Variants in TRIM4 observed in about 807,000 individuals in gnomAD.
TRIM4 encodes the protein tripartite motif containing 4.
In TRIM4, 29 loss-of-function variants were observed where a neutral mutation model predicts 33.7. That is an observed-to-expected ratio of 0.86 (90% confidence interval 0.64 to 1.17). The LOEUF is 1.17. Among genes scored for constraint, TRIM4 ranks in the 50% most tolerant of loss-of-function variants. TRIM4 has a pLI of 0.00. For synonymous variants in TRIM4, 224 were observed against 233.0 expected (o/e 0.96, Z 0.35); for missense variants, 554 against 593.7 (o/e 0.93, Z 0.69).
chr7:99,898,127 C>G (rs1275271927), intron 5 of TRIM4, among the ~76,000 whole-genome samples: 1 of 152,240 alleles, frequency 6.6e-6, no homozygotes, highest in East Asian at 1.9e-4. Flanking sequence ...CACCCACTTC[C>G]CTTCAGCACC....
chr7:99,916,953 C>A (rs1274338750), intron 1 of TRIM4, among the ~76,000 whole-genome samples: 1 of 152,242 alleles, frequency 6.6e-6, no homozygotes, highest in Non-Finnish European at 1.5e-5. Flanking sequence ...ATGCTCCATG[C>A]TCCAGAAGTA....
At chr7:99,913,387 A>G (rs1436591204) in intron 1 of TRIM4, among the ~76,000 whole-genome samples, 2 of 152,150 alleles carry the variant, frequency 1.3e-5, no homozygotes, top group Non-Finnish European at 2.9e-5. Flanking sequence ...TCACTCTCTC[A>G]GCTAGGTGCG....
chr7:99,908,651 G>T lies in TRIM4; in HGVS notation c.651C>A (p.Ile217=), dbSNP rs753527282. 9 of 1,614,008 alleles carry T rather than the reference G, an allele frequency of 5.6e-6. No homozygotes were observed. The Middle Eastern group carries it at 4.9e-4, about 88-fold the overall frequency. ...NENTLKLNQT[I]ASLKKLILEV... ...CTAAGATGAGCTTCTTCAATGAAGC[G>T]ATAGTTTGATTGAGTTTTAACGTGT... Residue 217 remains isoleucine, a synonymous_variant, in exon 3 of 6, where the codon ATC becomes ATA. Coordinates refer to ENST00000349062, the MANE Select transcript of TRIM4 (RefSeq NM_033091.3).
intron 1 of TRIM4, among the ~76,000 whole-genome samples, chr7:99,915,892 G>C (rs953954844): frequency 2.6e-5 from 4 of 152,164 alleles, no homozygotes; most frequent in Non-Finnish European, 4.4e-5. Flanking sequence ...AGAGTGAAAA[G>C]TGTAAAGGAT....
At chr7:99,915,505 C>T (rs1439908917) in intron 1 of TRIM4, among the ~76,000 whole-genome samples, 3 of 152,102 alleles carry the variant, frequency 2.0e-5, no homozygotes, top group African/African-American at 7.2e-5. Context: ...GGGATATTTT[C>T]CATGGATTTA....
At chr7:99,897,287 C>T (rs1819039586) in intron 5 of TRIM4, among the ~76,000 whole-genome samples, 1 of 152,074 alleles carries the variant, frequency 6.6e-6, no homozygotes, top group Non-Finnish European at 1.5e-5. Context: ...CTTGCCTCCA[C>T]CTGAAAGAAG....
At chr7:99,897,472 T>C (rs201685946) in intron 5 of TRIM4, among the ~76,000 whole-genome samples, 1 of 152,190 alleles carries the variant, frequency 6.6e-6, no homozygotes, top group Admixed American at 6.5e-5. Flanking sequence ...TTTGAGGTGA[T>C]GAATATGCTA....
intron 5 of TRIM4, among the ~76,000 whole-genome samples, chr7:99,902,859 G>A (rs1328238108): frequency 6.6e-6 from 1 of 151,762 alleles, no homozygotes; most frequent in Non-Finnish European, 1.5e-5. Context: ...CCTCTGCTGT[G>A]AAAACTTTCC....
At chr7:99,895,758 C>T (rs1018953459) in intron 5 of TRIM4, among the ~76,000 whole-genome samples, 17 of 152,218 alleles carry the variant, frequency 1.1e-4, no homozygotes, top group Non-Finnish European at 2.1e-4. Context: ...ATTCTCTTGA[C>T]GAACTGACCA....
At chr7:99,906,018 G>A (rs181561515) in intron 3 of TRIM4, among the ~76,000 whole-genome samples, 24 of 152,212 alleles carry the variant, frequency 1.6e-4, no homozygotes, top group Admixed American at 1.2e-3. Context: ...GGTGGCACAC[G>A]CCTGTAATCC....
rs767897065 is a variant in TRIM4, at chr7:99,908,707, C to T, written c.595G>A (p.Glu199Lys). The T allele has an allele frequency of 1.1e-5, 17 of 1,614,066 alleles. No individual in the cohort carries two copies. In the Admixed American group the frequency reaches 1.5e-4, roughly 14 times the overall value. Residue 199 changes from glutamate (E) to lysine (K), a missense_variant, in exon 3 of 6, where the codon GAA becomes AAA. Transcript: ENST00000349062. ...TTCAGCTTCTTCTTCGTCTCTTCTTCTTCTTTGTTCAATCTCTGAAGAAAC... is the reference window on the plus strand; with the variant it reads ...TTCAGCTTCTTCTTCGTCTCTTCTTTTTCTTTGTTCAATCTCTGAAGAAAC... ...DLFLQRLNKE[E>K]EETKKKLNEN...
chr7:99,916,242 T>C (rs889650221), intron 1 of TRIM4, among the ~76,000 whole-genome samples: 3 of 152,196 alleles, frequency 2.0e-5, no homozygotes, highest in African/African-American at 7.2e-5. Context: ...GTCCTCTCCA[T>C]GTCTTTTGCT....
At chr7:99,908,505 G>T in intron 3 of TRIM4, 77 bp downstream of exon 3, 1 of 1,179,558 alleles carries the variant, frequency 8.5e-7, no homozygotes. Context: ...CACTCACCAG[G>T]AAGGACATTC....
chr7:99,898,792 C>T lies in TRIM4; in HGVS notation c.841+4426G>A, dbSNP rs182885987. ...GGTGGAAGCTGCACATTAATTAAAA[C>T]CAAATGTTGTGTATATATCCCTATT... On this transcript the variant is annotated intron_variant, in intron 5 of 5. Transcript: ENST00000349062. Among the ~76,000 whole-genome samples the T allele has an allele frequency of 1.5e-3, 221 of 152,312 alleles. 5 individuals are homozygous for T. Among genetic ancestry groups the T allele is most frequent in the Admixed American group, 0.011 (165 of 15,300 alleles).
chr7:99,898,766 G>C (rs928158277), intron 5 of TRIM4, among the ~76,000 whole-genome samples: 1 of 152,276 alleles, frequency 6.6e-6, no homozygotes, highest in East Asian at 1.9e-4. Context: ...CTGCTGCCCT[G>C]GGTGGAAGCT....
chr7:99,896,230 T>A (rs1490920828), intron 5 of TRIM4, among the ~76,000 whole-genome samples: 1 of 152,180 alleles, frequency 6.6e-6, no homozygotes, highest in Non-Finnish European at 1.5e-5. Context: ...AACTCAAGCA[T>A]ACCCTAACAA....
Position 99,919,352 on chromosome 7 carries a change from T to C in TRIM4, c.50A>G (p.Asp17Gly). The part of the protein sequence containing the change: ...QEELTCPICL[D>G]YFQDPVSIEC... ...GATGGACACCGGGTCCTGGAAATAG[T>C]CCAGGCAGATGGGGCAGGTCAACTC... Residue 17 changes from aspartate (D) to glycine (G), a missense_variant, in exon 1 of 6, where the codon GAC becomes GGC. Physicochemically the swap from Asp to Gly is moderately conservative, Grantham distance 94. This residue lies in a region of TRIM4 where 233 missense variants were observed against 203.1 expected (regional missense o/e 1.15). Transcript: ENST00000349062. 1 of 1,577,874 alleles carries C rather than the reference T, an allele frequency of 6.3e-7. No homozygotes were observed. The highest frequency in any genetic ancestry group is 8.6e-7 in the Non-Finnish European group (1 of 1,163,662).
chr7:99,902,216 C>T (rs1819192108), intron 5 of TRIM4: 2 of 754,138 alleles, frequency 2.7e-6, no homozygotes, highest in Admixed American at 1.8e-5. Context: ...TCCATTTTGG[C>T]TAGAAGTGAA....
At chr7:99,914,384 G>A (rs992833562) in intron 1 of TRIM4, among the ~76,000 whole-genome samples, 11 of 152,070 alleles carry the variant, frequency 7.2e-5, no homozygotes, top group East Asian at 3.9e-4. Flanking sequence ...TTGAACTCCC[G>A]GACTCAAGCA....
Sources: allele counts gnomAD v4.1 joint callset (sites outside exome capture counted in the v4.1 genomes callset), GRCh38; gene constraint gnomAD v4.1.1; regional missense constraint gnomAD v4.1.1; transcripts MANE v1.5; gene names NCBI Gene and HGNC (gene_info 2026-07-23, HGNC 2026-07-21).